USP34: variants seen among roughly 807,000 people sequenced by gnomAD.
The protein encoded by USP34 is ubiquitin carboxyl-terminal hydrolase 34.
In USP34, 70 loss-of-function variants were observed where a neutral mutation model predicts 460.3. The observed-to-expected ratio is 0.15, with a 90% confidence interval of 0.13 to 0.19. The LOEUF is 0.19. Among genes scored for constraint, USP34 ranks in the 10% least tolerant of loss-of-function variants. The pLI, the probability that USP34 is intolerant of heterozygous loss-of-function variation, is 1.00. For missense variants in USP34, 3,985 were observed against 4,236.2 expected, an observed-to-expected ratio of 0.94 and a Z score of 1.65; for synonymous variants, 1,647 against 1,405.3, an observed-to-expected ratio of 1.17 and a Z score of -3.85.
intron 23 of USP34, among the ~76,000 whole-genome samples, chr2:61,316,492 T>A (rs1437178175): frequency 6.7e-6 from 1 of 150,156 alleles, no homozygotes; most frequent in African/African-American, 2.5e-5. Flanking sequence ...GGCTGAGGCA[T>A]GAGAATCGCT....
chr2:61,197,916 C>T (rs996822296), intron 75 of USP34, among the ~76,000 whole-genome samples: 3 of 152,158 alleles, frequency 2.0e-5, no homozygotes, highest in Admixed American at 6.5e-5. Context: ...TGCGCCACCA[C>T]GCCCAGCTAG....
chr2:61,453,253 A>G (rs1346655476), intron 1 of USP34, among the ~76,000 whole-genome samples: 1 of 152,080 alleles, frequency 6.6e-6, no homozygotes, highest in Non-Finnish European at 1.5e-5. Flanking sequence ...TGTACTAAAA[A>G]TACCAAAAAC....
intron 15 of USP34, 62 bp from the exon 16 acceptor site, chr2:61,344,091 CA>C: frequency 6.9e-7 from 1 of 1,459,394 alleles, no homozygotes; most frequent in Non-Finnish European, 9.5e-7. Context: ...TTGTGAACCA[CA>C]AAAAATACCT....
intron 53 of USP34, among the ~76,000 whole-genome samples, chr2:61,237,674 TC>T (rs1293959659): frequency 6.8e-6 from 1 of 146,082 alleles, no homozygotes; most frequent in African/African-American, 2.5e-5. Context: ...TCTCAGGTGA[TC>T]CTCCCACCTC....
chr2:61,353,573 T>A, intron 10 of USP34, among the ~76,000 whole-genome samples: 1 of 125,200 alleles, frequency 8.0e-6, no homozygotes, highest in Non-Finnish European at 1.8e-5. Flanking sequence ...GTTTTTGTTT[T>A]TGTTTTTTTT....
At chr2:61,359,711 G>A (rs998191630) in intron 10 of USP34, among the ~76,000 whole-genome samples, 6 of 148,384 alleles carry the variant, frequency 4.0e-5, no homozygotes, top group South Asian at 4.2e-4. Context: ...TGATAAAAAC[G>A]CTCAAAAGAA....
At chr2:61,394,061 C>G (rs1693439362) in intron 5 of USP34, among the ~76,000 whole-genome samples, 1 of 152,022 alleles carries the variant, frequency 6.6e-6, no homozygotes, top group Admixed American at 6.6e-5. Flanking sequence ...GCGGAGGGTG[C>G]AGTGAGCTGA....
intron 1 of USP34, among the ~76,000 whole-genome samples, chr2:61,435,183 T>C (rs11504913): frequency 7.1e-4 from 107 of 151,622 alleles, no homozygotes; most frequent in African/African-American, 2.3e-3. Context: ...TGAATGCTTA[T>C]AGTCCCAGCT....
intron 33 of USP34, among the ~76,000 whole-genome samples, chr2:61,290,575 G>C (rs1689820385): frequency 6.6e-6 from 1 of 152,074 alleles, no homozygotes; most frequent in Non-Finnish European, 1.5e-5. Context: ...ATATTGCACT[G>C]ATCCAATTAC....
At chr2:61,265,623 T>TA in intron 42 of USP34, 66 bp from the exon 43 acceptor site, 14 of 1,505,330 alleles carry the variant, frequency 9.3e-6, no homozygotes, top group Non-Finnish European at 1.2e-5. Context: ...GTATTTTGCT[T>TA]ACATTAACAG....
chr2:61,452,635 G>C (rs2104069530), intron 1 of USP34, among the ~76,000 whole-genome samples: 1 of 151,768 alleles, frequency 6.6e-6, no homozygotes, highest in South Asian at 2.1e-4. Context: ...GTAATCCCCA[G>C]CACTTTGGAA....
chr2:61,248,243 G>A (rs1398203623), intron 49 of USP34, among the ~76,000 whole-genome samples: 2 of 145,942 alleles, frequency 1.4e-5, no homozygotes, highest in South Asian at 4.3e-4. Flanking sequence ...CTTACCCCAC[G>A]AGATTTAAGC....
At chr2:61,372,108 T>C (rs1445128769) in intron 8 of USP34, among the ~76,000 whole-genome samples, 1 of 152,112 alleles carries the variant, frequency 6.6e-6, no homozygotes, top group Non-Finnish European at 1.5e-5. Flanking sequence ...AGGTCCCCAA[T>C]TTTTTCAACT....
At chr2:61,417,927 G>A (rs923441114) in intron 2 of USP34, among the ~76,000 whole-genome samples, 4 of 150,680 alleles carry the variant, frequency 2.7e-5, no homozygotes, top group African/African-American at 9.8e-5. Flanking sequence ...TTTTAGTAGA[G>A]ACAGGGTTTC....
intron 34 of USP34, among the ~76,000 whole-genome samples, chr2:61,287,330 A>G (rs1452909695): frequency 6.6e-6 from 1 of 152,200 alleles, no homozygotes; most frequent in Non-Finnish European, 1.5e-5. Flanking sequence ...CTAAAATCTC[A>G]CCTTGATCAC....
intron 39 of USP34, among the ~76,000 whole-genome samples, chr2:61,279,650 G>C (rs1043680981): frequency 1.3e-5 from 2 of 152,150 alleles, no homozygotes; most frequent in Non-Finnish European, 2.9e-5. Context: ...ATTTTTAGTA[G>C]AGATGGGGTT....
intron 2 of USP34, among the ~76,000 whole-genome samples, chr2:61,412,600 G>C (rs933371970): frequency 9.9e-5 from 15 of 151,940 alleles, no homozygotes; most frequent in Non-Finnish European, 1.6e-4. Flanking sequence ...TAATAATGGA[G>C]AGAAAAGGCC....
intron 5 of USP34, among the ~76,000 whole-genome samples, chr2:61,389,236 G>A (rs1307721323): frequency 6.6e-6 from 1 of 150,882 alleles, no homozygotes; most frequent in Non-Finnish European, 1.5e-5. Flanking sequence ...CTTCTGGGGA[G>A]TTGACAATGT....
At chr2:61,365,073 G>A (rs527758341) in intron 10 of USP34, among the ~76,000 whole-genome samples, 2 of 152,174 alleles carry the variant, frequency 1.3e-5, no homozygotes, top group Non-Finnish European at 2.9e-5. Flanking sequence ...CCAACATGGT[G>A]AAATCCCGTC....
Sources: allele counts gnomAD v4.1 joint callset (sites outside exome capture counted in the v4.1 genomes callset), GRCh38; gene constraint gnomAD v4.1.1; transcripts MANE v1.5; gene names NCBI Gene and HGNC (gene_info 2026-07-23, HGNC 2026-07-21).